Variants in SMURF2 observed in about 807,000 individuals in gnomAD.
The protein encoded by SMURF2 is SMAD specific E3 ubiquitin protein ligase 2, also known as E3 ubiquitin-protein ligase SMURF2.
Under a neutral mutation model 109.6 loss-of-function variants are expected in SMURF2, and 48 were observed. The ratio of observed to expected loss-of-function variants is 0.44; its 90% CI spans 0.35 to 0.56. The LOEUF (loss-of-function observed/expected upper bound fraction) is 0.56, where lower values mean the gene tolerates loss of function less well. Among genes scored for constraint, SMURF2 ranks in the 20% least tolerant of loss-of-function variants. The probability of loss-of-function intolerance (pLI) is 0.01; values close to 1 mark genes in which losing one functional copy is unlikely to be tolerated. For synonymous variants in SMURF2, 288 were observed against 317.1 expected, an observed-to-expected ratio of 0.91 and a Z score of 0.97; for missense variants, 575 against 909.0, an observed-to-expected ratio of 0.63 and a Z score of 4.72.
rs78667245 is a variant in SMURF2 at position 64,617,168 on chromosome 17, G to C, written c.53-10528C>G. On this transcript the variant is annotated intron_variant, in intron 1 of 18. Transcript: ENST00000262435. ...GTTAATTGAAAACTAGGTTACAGAAGGGTGCTCTGCAAAAGATTCAGAATT... is the reference window on the plus strand; with the variant it reads ...GTTAATTGAAAACTAGGTTACAGAACGGTGCTCTGCAAAAGATTCAGAATT... Among the ~76,000 whole-genome samples the C allele has an allele frequency of 7.1e-3, 1,078 of 151,526 alleles. 14 individuals are homozygous for C. Among genetic ancestry groups the C allele is most frequent in the African/African-American group, 0.024 (988 of 41,284 alleles).
intron 2 of SMURF2, 96 bp from the exon 3 acceptor site, chr17:64,598,586 C>A (rs782351324): frequency 3.6e-5 from 37 of 1,039,258 alleles, no homozygotes; most frequent in Admixed American, 6.8e-5. Context: ...TTATTCCATT[C>A]TTTTAAAAAA....
At chr17:64,586,619 T>C (rs1441882924) in intron 5 of SMURF2, among the ~76,000 whole-genome samples, 2 of 150,818 alleles carry the variant, frequency 1.3e-5, no homozygotes, top group Non-Finnish European at 3.0e-5. Context: ...GGCGTGGTGG[T>C]GGGCACCTGT....
At chr17:64,604,029 AAC>A (rs1160586247) in intron 2 of SMURF2, among the ~76,000 whole-genome samples, 3 of 152,264 alleles carry the variant, frequency 2.0e-5, no homozygotes, top group South Asian at 2.1e-4. Flanking sequence ...CTGATCAATA[AAC>A]ACACATTCAT....
intron 1 of SMURF2, among the ~76,000 whole-genome samples, chr17:64,629,482 C>A (rs1555691419): frequency 6.6e-6 from 1 of 152,140 alleles, no homozygotes; most frequent in African/African-American, 2.4e-5. Flanking sequence ...CCACCCTGGA[C>A]AACAGAGAGA....
intron 7 of SMURF2, among the ~76,000 whole-genome samples, chr17:64,583,084 G>T (rs140845018): frequency 1.3e-5 from 2 of 152,046 alleles, no homozygotes; most frequent in South Asian, 2.1e-4. Flanking sequence ...TAGAGACAGG[G>T]TTTCATCATG....
At chr17:64,570,987 TG>T (rs1555685506) in intron 10 of SMURF2, among the ~76,000 whole-genome samples, 45 of 152,074 alleles carry the variant, frequency 3.0e-4, no homozygotes, top group Non-Finnish European at 2.6e-4. Context: ...ACTCACATGT[TG>T]GCCAGGTTGG....
intron 2 of SMURF2, among the ~76,000 whole-genome samples, chr17:64,598,987 G>GT (rs2144663989): frequency 6.6e-6 from 1 of 152,224 alleles, no homozygotes; most frequent in East Asian, 1.9e-4. Context: ...AACAAAAGAT[G>GT]TAACACTCTG....
chr17:64,639,967 T>C (rs1363150094), intron 1 of SMURF2, among the ~76,000 whole-genome samples: 1 of 152,226 alleles, frequency 6.6e-6, no homozygotes, highest in African/African-American at 2.4e-5. Flanking sequence ...CAATATTGGT[T>C]CATTAATTAT....
chr17:64,607,772 A>C (rs1969989472), intron 1 of SMURF2, among the ~76,000 whole-genome samples: 1 of 151,854 alleles, frequency 6.6e-6, no homozygotes, highest in Non-Finnish European at 1.5e-5. Context: ...GGAGTTTGAG[A>C]CCAGCCTGGC....
chr17:64,572,865 T>A (rs1969417664), intron 9 of SMURF2: 1 of 151,914 alleles, frequency 6.6e-6, no homozygotes, highest in African/African-American at 2.4e-5. Context: ...TAGAAAAAAA[T>A]ATTTCAGTGA....
chr17:64,611,642 C>T (rs898303619), intron 1 of SMURF2, among the ~76,000 whole-genome samples: 1 of 152,172 alleles, frequency 6.6e-6, no homozygotes, highest in Non-Finnish European at 1.5e-5. Flanking sequence ...ATTACCGATG[C>T]CAACACCTTA....
intron 1 of SMURF2, among the ~76,000 whole-genome samples, chr17:64,630,420 T>A (rs537433467): frequency 1.3e-5 from 2 of 152,164 alleles, no homozygotes; most frequent in East Asian, 3.9e-4. Context: ...TCAAATTAAA[T>A]GCCACAAAAG....
At chr17:64,557,761 T>C (rs1969145120) in intron 12 of SMURF2, 39 bp from the exon 13 acceptor site, 2 of 1,157,322 alleles carry the variant, frequency 1.7e-6, no homozygotes, top group Non-Finnish European at 1.3e-6. Flanking sequence ...TTTTTGTTAA[T>C]GTATACATTT....
chr17:64,644,139 G>A (rs1555692813), intron 1 of SMURF2, among the ~76,000 whole-genome samples: 1 of 152,014 alleles, frequency 6.6e-6, no homozygotes, highest in Admixed American at 6.6e-5. Context: ...CCAAGTAGTT[G>A]GGACTACAGG....
intron 1 of SMURF2, among the ~76,000 whole-genome samples, chr17:64,650,059 T>C (rs1296227111): frequency 6.6e-6 from 1 of 152,190 alleles, no homozygotes; most frequent in African/African-American, 2.4e-5. Flanking sequence ...CCTGCTCTTA[T>C]AAAATATAAT....
intron 7 of SMURF2, among the ~76,000 whole-genome samples, chr17:64,582,650 G>A (rs2144639875): frequency 6.6e-6 from 1 of 152,268 alleles, no homozygotes; most frequent in Admixed American, 6.5e-5. Flanking sequence ...CCAGGCCGGA[G>A]TGCAGTGGCG....
chr17:64,619,260 T>C (rs1970166593), intron 1 of SMURF2, among the ~76,000 whole-genome samples: 1 of 151,826 alleles, frequency 6.6e-6, no homozygotes, highest in East Asian at 1.9e-4. Flanking sequence ...GGGCAGATCA[T>C]GAGATCAGGA....
intron 9 of SMURF2, among the ~76,000 whole-genome samples, chr17:64,574,071 C>A (rs1969454688): frequency 6.6e-6 from 1 of 151,974 alleles, no homozygotes; most frequent in African/African-American, 2.4e-5. Flanking sequence ...GTACAACAAA[C>A]CCTCATGACA....
In SMURF2 at chr17:64,640,240, G is replaced by A. The variant is rs150788740; in HGVS notation, c.52+21589C>T. 1.3e-3 allele frequency among the ~76,000 whole-genome samples: 201 copies of A among 152,268 alleles called. 4 individuals carry two copies. Among genetic ancestry groups the A allele is most frequent in the East Asian group, 9.3e-3 (48 of 5,188 alleles). ...TCAGAAGTTAACAGGATATTATGGA[G>A]GTAGCATAATGAGAGTAGAGACTAC... On this transcript the variant is annotated intron_variant, in intron 1 of 18. Transcript: ENST00000262435.
Sources: allele counts gnomAD v4.1 joint callset (sites outside exome capture counted in the v4.1 genomes callset), GRCh38; gene constraint gnomAD v4.1.1; transcripts MANE v1.5; gene names NCBI Gene and HGNC (gene_info 2026-07-23, HGNC 2026-07-21).